EOGT: variants seen among roughly 807,000 people sequenced by gnomAD.
EOGT encodes the protein EGF domain-specific O-linked N-acetylglucosamine transferase.
EOGT carries 55 observed loss-of-function variants against 70.5 expected under a neutral mutation model. The ratio of observed to expected loss-of-function variants is 0.78; its 90% CI spans 0.63 to 0.98. The LOEUF (loss-of-function observed/expected upper bound fraction) is 0.98, where lower values mean the gene tolerates loss of function less well. Ranked by LOEUF, EOGT falls within the 50% of genes least tolerant of loss-of-function variation. The pLI, the probability that EOGT is intolerant of heterozygous loss-of-function variation, is 0.00. For missense variants in EOGT, 703 were observed against 641.9 expected (o/e 1.10, Z -1.03); for synonymous variants, 246 against 217.1 (o/e 1.13, Z -1.17).
chr3:69,010,598 C>T (rs763614887), intron 3 of EOGT, among the ~76,000 whole-genome samples: 1 of 152,204 alleles, frequency 6.6e-6, no homozygotes, highest in African/African-American at 2.4e-5. Flanking sequence ...ATAGAGCTGT[C>T]ATGAGTTAAA....
intron 15 of EOGT, among the ~76,000 whole-genome samples, chr3:68,981,910 A>G (rs544825835): frequency 6.6e-6 from 1 of 150,928 alleles, no homozygotes; most frequent in South Asian, 2.1e-4. Flanking sequence ...ACTAGTTGCC[A>G]ATTTTTTTTT....
chr3:69,009,694 CA>C lies in EOGT; in HGVS notation c.152del (p.Leu51CysfsTer23). On this transcript the variant is annotated frameshift_variant, in exon 4 of 18. Coordinates refer to ENST00000383701, the MANE Select transcript of EOGT (RefSeq NM_001278689.2). LOFTEE classifies it high-confidence loss of function. ...CAGTGGCAATATGCCTATTGTTGTG[CA>C]AAAAGAAGGGAATGTGCTCCTCTGG... ...RLPEEHIPFF[L>X]HNNRHIATVC... 1 of 1,613,794 alleles carries C rather than the reference CA, an allele frequency of 6.2e-7. No individual in the cohort carries two copies. The highest frequency in any genetic ancestry group is 8.5e-7 in the Non-Finnish European group (1 of 1,179,968).
At chr3:68,997,944 A>T in intron 10 of EOGT, 67 bp downstream of exon 10, 1 of 938,480 alleles carries the variant, frequency 1.1e-6, no homozygotes, top group Non-Finnish European at 1.6e-6. Flanking sequence ...TCTGTTTCAC[A>T]ACATCAGAGT....
At chr3:68,995,818 C>T (rs1282920001) in intron 10 of EOGT, among the ~76,000 whole-genome samples, 1 of 152,096 alleles carries the variant, frequency 6.6e-6, no homozygotes, top group Non-Finnish European at 1.5e-5. Flanking sequence ...GTCAGGCTGC[C>T]TGGATGGAAA....
At chr3:68,987,589 G>T in intron 13 of EOGT, 76 bp from the exon 14 acceptor site, 1 of 1,108,014 alleles carries the variant, frequency 9.0e-7, no homozygotes, top group Non-Finnish European at 1.3e-6. Flanking sequence ...CCCAAAATGT[G>T]ATTTTCACAA....
At chr3:68,984,229 A>G (rs1294214615) in intron 14 of EOGT, among the ~76,000 whole-genome samples, 1 of 151,114 alleles carries the variant, frequency 6.6e-6, no homozygotes, top group Non-Finnish European at 1.5e-5. Flanking sequence ...TCTCACACTC[A>G]CACACACACA....
intron 14 of EOGT, among the ~76,000 whole-genome samples, chr3:68,985,458 T>TC (rs528532936): frequency 1.3e-5 from 2 of 152,144 alleles, no homozygotes; most frequent in Non-Finnish European, 2.9e-5. Flanking sequence ...ACACACCACC[T>TC]CCCCCCTCAA....
chr3:69,005,146 T>C lies in EOGT; in HGVS notation c.509A>G (p.His170Arg). The C allele has an allele frequency of 1.9e-6, 3 of 1,548,732 alleles. No individual in the cohort carries two copies. The highest frequency in any genetic ancestry group is 2.7e-6 in the Non-Finnish European group (3 of 1,124,710). Residue 170 changes from histidine to arginine, a missense_variant, in exon 7 of 18, where the codon CAT becomes CGT. Transcript: ENST00000383701. ...YLDLRNIKRN[H>R]DRFKEDFFQS... ...ACATTAACCACTAAAGTACCTGTCATGATTTCTCTTGATGTTTCTTAAATC... is the reference window on the plus strand; with the variant it reads ...ACATTAACCACTAAAGTACCTGTCACGATTTCTCTTGATGTTTCTTAAATC...
At position 68,982,754 on chromosome 3, in the gene EOGT, C is replaced by T. The variant is rs990050070; in HGVS notation, c.1214+57G>A. 76 of 1,369,264 alleles carry T rather than the reference C, an allele frequency of 5.6e-5. No individual in the cohort carries two copies. In the African/African-American group the frequency reaches 9.5e-4, roughly 17 times the overall value. The allele number at this position is 1,369,264 out of a possible 1,614,324, so 84.8% of individuals were successfully genotyped here. ...CCACTGGAAAAATGCTTTCTAGCCC[C>T]CTTGACCTCATCCAAGCAAAAGTTG... On this transcript the variant is annotated intron_variant, in intron 15 of 17. Transcript: ENST00000383701.
At chr3:68,992,032 A>C (rs2091008347) in intron 10 of EOGT, among the ~76,000 whole-genome samples, 1 of 152,200 alleles carries the variant, frequency 6.6e-6, no homozygotes, top group East Asian at 1.9e-4. Context: ...CCCTCCCATA[A>C]GATGTGGGAA....
At chr3:69,011,466 G>A (rs1000344979) in intron 3 of EOGT, among the ~76,000 whole-genome samples, 2 of 151,308 alleles carry the variant, frequency 1.3e-5, no homozygotes, top group Non-Finnish European at 2.9e-5. Context: ...TCTCTGCTAA[G>A]AATACAAAAA....
intron 6 of EOGT, 42 bp downstream of exon 6, chr3:69,007,671 A>G: frequency 7.5e-7 from 1 of 1,324,652 alleles, no homozygotes; most frequent in Admixed American, 2.0e-5. Flanking sequence ...TAAAATTAAA[A>G]TTAAATAAAC....
chr3:68,996,270 G>A (rs942191754), intron 10 of EOGT, among the ~76,000 whole-genome samples: 1 of 152,148 alleles, frequency 6.6e-6, no homozygotes, highest in Non-Finnish European at 1.5e-5. Context: ...AGGGAGCAGT[G>A]ATCCTGAAAA....
chr3:68,998,667 A>C (rs2091219406), intron 9 of EOGT, among the ~76,000 whole-genome samples: 1 of 152,028 alleles, frequency 6.6e-6, no homozygotes, highest in Non-Finnish European at 1.5e-5. Context: ...CAGCCTGGCC[A>C]ACATAGTGAA....
At position 69,008,778 on chromosome 3, in the gene EOGT, G is replaced by A. The variant is rs926312459; in HGVS notation, c.211-250C>T. 1.3e-4 allele frequency among the ~76,000 whole-genome samples: 20 copies of A among 152,244 alleles called. No individual in the cohort carries two copies. In the Middle Eastern group the frequency reaches 0.01, roughly 78 times the overall value. ...CCGAAAGTCTGGGCTTTACCTAGAC[G>A]CTCAAAGACCACTTGAATTTGAATT... is the stretch of plus-strand genomic sequence containing the variant. On this transcript the variant is annotated intron_variant, in intron 4 of 17. Coordinates refer to ENST00000383701, the MANE Select transcript of EOGT (RefSeq NM_001278689.2).
At position 68,998,039 on chromosome 3, in the gene EOGT, G is replaced by A; in HGVS notation, c.803C>T (p.Thr268Ile). 4 of 1,594,948 alleles carry A rather than the reference G, an allele frequency of 2.5e-6. No homozygotes were observed. The highest frequency in any genetic ancestry group is 3.4e-6 in the Non-Finnish European group (4 of 1,168,578). ...ITQHVNNSFS[T>I]DVYIVMWDTS... ...GTCCCACATCACGATGTACACGTCA[G>A]TACTGAATGAGTTATTAACGTGCTG... The change falls in exon 10 of 18, where the codon ACT (threonine) becomes ATT (isoleucine). Residue 268 changes from threonine (T) to isoleucine (I), a missense_variant. Transcript: ENST00000383701.
intron 10 of EOGT, among the ~76,000 whole-genome samples, chr3:68,996,196 A>G (rs1328567739): frequency 6.6e-6 from 1 of 152,212 alleles, no homozygotes; most frequent in African/African-American, 2.4e-5. Flanking sequence ...ATATAGACGG[A>G]AAATAAAGCA....
rs1018476576 is a variant in EOGT at position 68,977,295 on chromosome 3, C to G, written c.*323G>C. On this transcript the variant is annotated 3_prime_UTR_variant, in exon 18 of 18. Transcript: ENST00000383701. Reference sequence around the variant, plus strand: ...AAACTGAGATCATGCCACTGCACTCCAGCCTGGGTGACAGTGAGACTCTGT... The same window carrying G: ...AAACTGAGATCATGCCACTGCACTCGAGCCTGGGTGACAGTGAGACTCTGT... 3 of 211,494 alleles carry G rather than the reference C, an allele frequency of 1.4e-5. No individual in the cohort carries two copies. Among genetic ancestry groups the G allele is most frequent in the African/African-American group, 7.2e-5 (3 of 41,608 alleles). The allele number at this position is 211,494 out of a possible 1,614,324, so 13.1% of individuals were successfully genotyped here. A position where few individuals can be genotyped will look rare whatever the true frequency, so the allele number is the denominator to read the frequency against.
intron 15 of EOGT, among the ~76,000 whole-genome samples, chr3:68,980,021 C>CT (rs1398876278): frequency 6.6e-6 from 1 of 152,062 alleles, no homozygotes; most frequent in Non-Finnish European, 1.5e-5. Flanking sequence ...GGTTTAAGTA[C>CT]TTTTTTTAAA....
Sources: allele counts gnomAD v4.1 joint callset (sites outside exome capture counted in the v4.1 genomes callset), GRCh38; gene constraint gnomAD v4.1.1; transcripts MANE v1.5; gene names NCBI Gene and HGNC (gene_info 2026-07-23, HGNC 2026-07-21).